Variants in USP37 observed in about 807,000 individuals in gnomAD.
The protein encoded by USP37 is ubiquitin specific peptidase 37.
USP37 carries 27 observed loss-of-function variants against 124.0 expected under a neutral mutation model. That is an observed-to-expected ratio of 0.22 (90% CI 0.16 to 0.30). The LOEUF is 0.30. Among genes scored for constraint, USP37 ranks in the 10% least tolerant of loss-of-function variants. The pLI is 1.00. For synonymous variants in USP37, 365 were observed against 388.0 expected (o/e 0.94, Z 0.70); for missense variants, 889 against 1,140.4 (o/e 0.78, Z 3.17).
chr2:218,567,809 G>T (rs779255471), intron 1 of USP37, among the ~76,000 whole-genome samples: 1 of 152,214 alleles, frequency 6.6e-6, no homozygotes, highest in Non-Finnish European at 1.5e-5. Flanking sequence ...AGGTGAAGAT[G>T]GTCAAGAGAG....
intron 11 of USP37, among the ~76,000 whole-genome samples, chr2:218,509,147 T>C (rs1238020680): frequency 6.6e-6 from 1 of 152,162 alleles, no homozygotes; most frequent in African/African-American, 2.4e-5. Context: ...CACACTTACA[T>C]GGTTGAAAGT....
At position 218,565,859 on chromosome 2, in the gene USP37, G is replaced by A. The variant is rs149165590; in HGVS notation, c.-230+2319C>T. Among the ~76,000 whole-genome samples the A allele has an allele frequency of 8.5e-3, 1,287 of 152,210 alleles. 28 individuals are homozygous for A. Among genetic ancestry groups the A allele is most frequent in the African/African-American group, 0.029 (1,189 of 41,508 alleles). ...AGGTCAAGAGTTCAAGACCAGCCTGGCCAACATGGTGAAACCTTGTCTCCA... is the reference window on the plus strand; with the variant it reads ...AGGTCAAGAGTTCAAGACCAGCCTGACCAACATGGTGAAACCTTGTCTCCA... On this transcript the variant is annotated intron_variant, in intron 1 of 25. Coordinates refer to ENST00000258399, the MANE Select transcript of USP37 (RefSeq NM_020935.3).
chr2:218,544,459 A>AGAGAGAGAGAGAGAGAGAGAGG (rs1457872657), intron 8 of USP37, among the ~76,000 whole-genome samples: 15 of 143,294 alleles, frequency 1.0e-4, no homozygotes, highest in African/African-American at 3.9e-4. Context: ...AGAGAGAGAG[A>AGAGAGAGAGAGAGAGAGAGAGG]GACCCCAATT....
chr2:218,484,655 C>CAAA lies in USP37; in HGVS notation c.1670+1006_1670+1008dup, dbSNP rs10671242. Among the ~76,000 whole-genome samples, 13 of 147,564 alleles carry CAAA rather than the reference C, an allele frequency of 8.8e-5. 1 individual carries two copies. The highest frequency in any genetic ancestry group is 1.7e-4 in the African/African-American group (7 of 40,302). On this transcript the variant is annotated intron_variant, in intron 16 of 25. Transcript: ENST00000258399. Reference sequence around the variant, plus strand: ...AACAACAACAACAACAACAAACAACCAAAAAAAAAAACCAACTCCCATTTT... The same window carrying CAAA: ...AACAACAACAACAACAACAAACAACCAAAAAAAAAAAAAACCAACTCCCATTTT...
At chr2:218,528,665 G>T (rs1574929816) in intron 10 of USP37, 3 of 422,396 alleles carry the variant, frequency 7.1e-6, no homozygotes, top group Non-Finnish European at 1.3e-5. Context: ...TCTTTATCCT[G>T]TCTATCATTG....
intron 20 of USP37, among the ~76,000 whole-genome samples, chr2:218,471,254 C>G (rs1690670592): frequency 6.6e-6 from 1 of 152,130 alleles, no homozygotes; most frequent in African/African-American, 2.4e-5. Context: ...ATTGGCATTT[C>G]CAGGAAGTTC....
chr2:218,460,092 A>AC (rs68110625), intron 22 of USP37, among the ~76,000 whole-genome samples, 187 bp from the exon 23 acceptor site: 1 of 830 alleles, frequency 1.2e-3, no homozygotes, highest in African/African-American at 2.5e-3. Flanking sequence ...CTAAAAATAC[A>AC]AAAAAAAAAA....
At chr2:218,485,296 C>A in intron 16 of USP37, among the ~76,000 whole-genome samples, 1 of 151,584 alleles carries the variant, frequency 6.6e-6, no homozygotes, top group East Asian at 1.9e-4. Context: ...ATTTCAAACG[C>A]TTTTCCTTCC....
At position 218,483,839 on chromosome 2, in the gene USP37, G is replaced by C. The variant is rs150610090; in HGVS notation, c.1671-1605C>G. On this transcript the variant is annotated intron_variant, in intron 16 of 25. Transcript: ENST00000258399. ...CTGGCCTCAAACCACTCACAAACAG[G>C]AAAGAACAAATTCTCTTAATCCAAA... Among the ~76,000 whole-genome samples, 662 of 152,170 alleles carry C rather than the reference G, an allele frequency of 4.4e-3. 19 individuals carry two copies. Among genetic ancestry groups the C allele is most frequent in the Admixed American group, 0.041 (629 of 15,266 alleles).
intron 10 of USP37, among the ~76,000 whole-genome samples, chr2:218,529,340 T>C (rs1691172549): frequency 6.6e-6 from 1 of 152,146 alleles, no homozygotes; most frequent in Non-Finnish European, 1.5e-5. Flanking sequence ...ATCCTGTCTC[T>C]ACAAAAATTA....
chr2:218,529,654 T>A (rs1002625532), intron 10 of USP37, among the ~76,000 whole-genome samples: 1 of 151,752 alleles, frequency 6.6e-6, no homozygotes, highest in Non-Finnish European at 1.5e-5. Flanking sequence ...CAGGGTCTCG[T>A]TCTGTTGCTC....
chr2:218,530,089 TC>T lies in USP37; in HGVS notation c.779-50del, dbSNP rs1553553417. ...AAAACTTAATTCCTAAATCAACCATTCAAGTTCATTTAATAATAAAAGTATA... is the reference window on the plus strand; with the variant it reads ...AAAACTTAATTCCTAAATCAACCATTAAGTTCATTTAATAATAAAAGTATA... On this transcript the variant is annotated intron_variant, in intron 9 of 25. Transcript: ENST00000258399. 9 of 1,414,566 alleles carry T rather than the reference TC, an allele frequency of 6.4e-6. No homozygotes were observed. In the African/African-American group the frequency reaches 7.2e-5, roughly 11 times the overall value. 87.6% of individuals were successfully genotyped at this position (1,414,566 alleles called of 1,614,324 possible).
chr2:218,565,105 T>C lies in USP37; in HGVS notation c.-229-2292A>G, dbSNP rs564938280. ...CCCGGCTAATTTTTGTAATTTTTTA[T>C]AGACATGGGGTTTTGCCATGTTGCC... On this transcript the variant is annotated intron_variant, in intron 1 of 25. Coordinates refer to ENST00000258399, the MANE Select transcript of USP37 (RefSeq NM_020935.3). Among the ~76,000 whole-genome samples, 8 of 152,232 alleles carry C rather than the reference T, an allele frequency of 5.3e-5. No homozygotes were observed. In the South Asian group the frequency reaches 1.2e-3, roughly 24 times the overall value.
At chr2:218,564,753 T>C (rs1247448619) in intron 1 of USP37, among the ~76,000 whole-genome samples, 1 of 152,134 alleles carries the variant, frequency 6.6e-6, no homozygotes, top group Admixed American at 6.5e-5. Context: ...AAGTGCTAAA[T>C]GGTTGCCATT....
intron 2 of USP37, 144 bp downstream of exon 2, chr2:218,562,529 C>T: frequency 2.6e-6 from 1 of 389,662 alleles, no homozygotes; most frequent in Non-Finnish European, 4.5e-6. Context: ...GCTTTGAAAA[C>T]ATCCTTAATC....
chr2:218,548,202 T>C (rs965719694), intron 6 of USP37, among the ~76,000 whole-genome samples: 1 of 152,316 alleles, frequency 6.6e-6, no homozygotes, highest in Admixed American at 6.5e-5. Flanking sequence ...TTCCCACTAA[T>C]TCTTCCCTTG....
chr2:218,503,608 TG>T (rs1408884633), intron 11 of USP37, among the ~76,000 whole-genome samples: 1 of 152,038 alleles, frequency 6.6e-6, no homozygotes, highest in East Asian at 1.9e-4. Context: ...CCAGCTACTC[TG>T]GAGGCTGAGG....
chr2:218,455,535 C>A (rs766702541), intron 25 of USP37, 45 bp downstream of exon 25: 1 of 1,493,864 alleles, frequency 6.7e-7, no homozygotes, highest in Non-Finnish European at 9.0e-7. Flanking sequence ...AAAAGAGTTC[C>A]GGTGATTTCT....
At chr2:218,565,091 T>G (rs543645820) in intron 1 of USP37, among the ~76,000 whole-genome samples, 2 of 152,184 alleles carry the variant, frequency 1.3e-5, no homozygotes, top group East Asian at 3.9e-4. Context: ...CCGGCTAATT[T>G]TTGTAATTTT....
Sources: gnomAD v4.1 joint callset for allele counts (sites outside exome capture counted in the v4.1 genomes callset) on GRCh38, gnomAD v4.1.1 for gene constraint, MANE v1.5 for transcripts, NCBI Gene and HGNC (gene_info 2026-07-23, HGNC 2026-07-21) for gene names.